Variants in SPG21 observed in about 807,000 individuals in gnomAD.
SPG21 encodes SPG21 abhydrolase domain containing, maspardin, also known as maspardin.
In SPG21, 26 loss-of-function variants were observed where a neutral mutation model predicts 38.9. That is an observed-to-expected ratio of 0.67 (90% CI 0.49 to 0.93). The LOEUF is 0.93. SPG21 is among the 40% of genes least tolerant of loss of function. SPG21 has a pLI of 0.00. For missense variants in SPG21, 333 were observed against 376.5 expected (o/e 0.88, Z 0.96); for synonymous variants, 136 against 128.9 (o/e 1.05, Z -0.37).
chr15:64,985,875 T>C (rs551749917), intron 1 of SPG21, among the ~76,000 whole-genome samples: 1 of 152,306 alleles, frequency 6.6e-6, no homozygotes, highest in South Asian at 2.1e-4. Context: ...AACACTAAAC[T>C]TGATTTACAA....
At position 64,965,420 on chromosome 15, in the gene SPG21, T is replaced by C; in HGVS notation, c.710A>G (p.Glu237Gly). 6.2e-7 allele frequency: 1 copy of C among 1,614,174 alleles called. No homozygotes were observed. The change falls in exon 8 of 9, where the codon GAA becomes GGA. Residue 237 changes from glutamate to glycine, a missense_variant. Glu to Gly is a moderately conservative substitution (Grantham distance 98, BLOSUM62 -2). Coordinates refer to ENST00000204566, the MANE Select transcript of SPG21 (RefSeq NM_016630.7). ...GGCATTAGGATACAGCTTGTACATTTCTTCTTTAGCTTCAGTTGAAAGCGC... is the reference window on the plus strand; with the variant it reads ...GGCATTAGGATACAGCTTGTACATTCCTTCTTTAGCTTCAGTTGAAAGCGC... ...QSALSTEAKEEMYKLYPNARR... is the reference protein window; with the variant it reads ...QSALSTEAKEGMYKLYPNARR...
In SPG21 at chr15:64,976,524, T is replaced by C. The variant is rs1352420392; in HGVS notation, c.257A>G (p.Glu86Gly). Reference protein sequence around the residue: ...LQYPVYWDHLEFCDGFRKLLD... With the variant: ...LQYPVYWDHLGFCDGFRKLLD... Reference sequence around the variant, plus strand: ...AAGTTTTCTGAATCCATCACAGAACTCGAGATGGTCCCAATAAACTGGATA... The same window carrying C: ...AAGTTTTCTGAATCCATCACAGAACCCGAGATGGTCCCAATAAACTGGATA... Residue 86 changes from glutamate to glycine, a missense_variant, in exon 4 of 9, where the codon GAG (glutamate) becomes GGG (glycine). By Grantham distance (98) the Glu-to-Gly change is moderately conservative. Coordinates refer to ENST00000204566, the MANE Select transcript of SPG21 (RefSeq NM_016630.7). 6.2e-7 allele frequency: 1 copy of C among 1,613,086 alleles called. No individual in the cohort carries two copies. The highest frequency in any genetic ancestry group is 8.5e-7 in the Non-Finnish European group (1 of 1,179,214).
intron 3 of SPG21, among the ~76,000 whole-genome samples, chr15:64,980,596 G>A (rs536877183): frequency 3.3e-5 from 5 of 152,106 alleles, no homozygotes; most frequent in Admixed American, 1.3e-4. Flanking sequence ...AAATTAGCTG[G>A]GCGTAGTGGC....
chr15:64,980,328 C>G (rs1350105306), intron 3 of SPG21, among the ~76,000 whole-genome samples: 1 of 152,178 alleles, frequency 6.6e-6, no homozygotes, highest in East Asian at 1.9e-4. Flanking sequence ...CATGGAGAGG[C>G]TGCCAAAAGA....
At chr15:64,967,286 A>AT (rs1039047790) in intron 7 of SPG21, among the ~76,000 whole-genome samples, 31 of 152,096 alleles carry the variant, frequency 2.0e-4, no homozygotes, top group African/African-American at 7.5e-4. Context: ...AAATAAATAA[A>AT]AAAAAATTAA....
chr15:64,970,214 A>G lies in SPG21; in HGVS notation c.461T>C (p.Leu154Pro). The G allele has an allele frequency of 6.2e-7, 1 of 1,613,888 alleles. No homozygotes were observed. Among genetic ancestry groups the G allele is most frequent in the Non-Finnish European group, 8.5e-7 (1 of 1,179,884 alleles). ...TTTTTTGAGCATAAATGCAGGCATC[A>G]GCCAAAAGCTGTAAAACACAAAGAC... ...NQTWTANSFW[L>P]MPAFMLKKIV... Residue 154 changes from leucine (L) to proline (P), a missense_variant, in exon 6 of 9, where the codon CTG (leucine) becomes CCG (proline). By Grantham distance (98) the Leu-to-Pro change is moderately conservative. Transcript: ENST00000204566.
In SPG21 at chr15:64,974,703, T is replaced by C; in HGVS notation, c.351A>G (p.Lys117=). Residue 117 remains lysine, a synonymous_variant, in exon 5 of 9, where the codon AAA becomes AAG. Coordinates refer to ENST00000204566, the MANE Select transcript of SPG21 (RefSeq NM_016630.7). ...GASLGGFLAQ[K]FAEYTHKSPR... is the part of the protein sequence containing the mutation. ...GAGATTTGTGAGTGTATTCAGCAAA[T>C]TTCTGGGCCAAAAAGCCTCCCAAAG... The C allele has an allele frequency of 6.2e-7, 1 of 1,614,120 alleles. No homozygotes were observed. The highest frequency in any genetic ancestry group is 8.5e-7 in the Non-Finnish European group (1 of 1,180,006).
rs56821289 is a variant in SPG21 at position 64,980,737 on chromosome 15, CAACAAACA to C, written c.225+119_225+126del. The C allele has an allele frequency of 1.2e-3, 1,025 of 855,260 alleles. 3 individuals carry two copies. The highest frequency in any genetic ancestry group is 5.7e-3 in the African/African-American group (332 of 58,110). The allele number at this position is 855,260 out of a possible 1,614,324, so 53.0% of individuals were successfully genotyped here. ...CGGGCGACAGAGTGAGAATCCATCT[CAACAAACA>C]AACAAACAAACAAACAAACAAACAA... is the stretch of plus-strand genomic sequence containing the variant. On this transcript the variant is annotated intron_variant, in intron 3 of 8. Transcript: ENST00000204566.
In SPG21 at chr15:64,974,690, T is replaced by G; in HGVS notation, c.364A>C (p.Thr122Pro). 6.2e-7 allele frequency: 1 copy of G among 1,614,094 alleles called. No individual in the cohort carries two copies. Among genetic ancestry groups the G allele is most frequent in the Middle Eastern group, 1.6e-4 (1 of 6,062 alleles). The change falls in exon 5 of 9, where the codon ACT becomes CCT. Residue 122 changes from threonine (T) to proline (P), a missense_variant. Physicochemically the swap from Thr to Pro is conservative, Grantham distance 38 (BLOSUM62 -1). Transcript: ENST00000204566. ...GFLAQKFAEY[T>P]HKSPRVHSLI... ...GAATGGACTCTAGGAGATTTGTGAG[T>G]GTATTCAGCAAATTTCTGGGCCAAA...
chr15:64,980,100 T>C (rs955470647), intron 3 of SPG21, among the ~76,000 whole-genome samples: 14 of 152,156 alleles, frequency 9.2e-5, no homozygotes, highest in Admixed American at 2.6e-4. Context: ...AGCAAATCCC[T>C]TTGTTGTCTA....
chr15:64,977,669 C>A (rs1399822268), intron 3 of SPG21, among the ~76,000 whole-genome samples: 1 of 152,074 alleles, frequency 6.6e-6, no homozygotes, highest in East Asian at 1.9e-4. Context: ...CGGGTGTGAG[C>A]CACCATGCCA....
intron 5 of SPG21, among the ~76,000 whole-genome samples, chr15:64,971,261 C>G (rs940915176): frequency 4.6e-5 from 7 of 152,084 alleles, no homozygotes; most frequent in African/African-American, 1.7e-4. Context: ...GAGCCGGGGC[C>G]AGGCACGGTG....
chr15:64,974,091 AAAATTTAAG>A (rs2085727288), intron 5 of SPG21, among the ~76,000 whole-genome samples: 1 of 150,780 alleles, frequency 6.6e-6, no homozygotes, highest in Admixed American at 6.5e-5. Flanking sequence ...ACAAAATTTA[AAAATTTAAG>A]GTAATAAAAA....
In SPG21 at chr15:64,974,691, G is replaced by A. The variant is rs202127742; in HGVS notation, c.363C>T (p.Tyr121=). 1.2e-4 allele frequency: 186 copies of A among 1,614,148 alleles called. 1 individual carries two copies. The East Asian group carries it at 4.1e-3, about 35-fold the overall frequency. Residue 121 remains tyrosine (Y), a synonymous_variant, in exon 5 of 9, where the codon TAC becomes TAT. Transcript: ENST00000204566. ...AATGGACTCTAGGAGATTTGTGAGT[G>A]TATTCAGCAAATTTCTGGGCCAAAA... The part of the protein sequence containing the change: ...GGFLAQKFAE[Y]THKSPRVHSL...
rs375609763 is a variant in SPG21, at chr15:64,983,510, T to C, written c.60A>G (p.Lys20=). Residue 20 remains lysine (K), a synonymous_variant, in exon 2 of 9, where the codon AAA becomes AAG. Coordinates refer to ENST00000204566, the MANE Select transcript of SPG21 (RefSeq NM_016630.7). The part of the protein sequence containing the change: ...YNWFRGTVPL[K]KIIVDDDDSK... ...GGTATAGTAAAACCATACATACCTTTTTAAGGGGAACTGTACCTCTAAACC... is the reference window on the plus strand; with the variant it reads ...GGTATAGTAAAACCATACATACCTTCTTAAGGGGAACTGTACCTCTAAACC... The C allele has an allele frequency of 4.1e-5, 65 of 1,573,628 alleles. No homozygotes were observed. The highest frequency in any genetic ancestry group is 5.1e-5 in the Non-Finnish European group (59 of 1,154,808).
At position 64,980,971 on chromosome 15, in the gene SPG21, G is replaced by A. The variant is rs555126484; in HGVS notation, c.118C>T (p.Arg40Ter). 34 of 1,614,094 alleles carry A rather than the reference G, an allele frequency of 2.1e-5. No homozygotes were observed. The highest frequency in any genetic ancestry group is 2.2e-5 in the East Asian group (1 of 44,884). Reference sequence around the variant, plus strand: ...AATATGAGAGGACACCTGATACTTCGGGGGCCCGCGTCATAGAGCGACCAT... The same window carrying A: ...AATATGAGAGGACACCTGATACTTCAGGGGCCCGCGTCATAGAGCGACCAT... ...KIWSLYDAGPRSIRCPLIFLP... is the reference protein window; with the variant it reads ...KIWSLYDAGP Residue 40 changes from arginine to a stop codon, truncating the protein, a stop_gained, in exon 3 of 9, where the codon CGA becomes TGA. Transcript: ENST00000204566. LOFTEE classifies it high-confidence loss of function.
chr15:64,988,348 T>C (rs1463720392), intron 1 of SPG21, among the ~76,000 whole-genome samples: 1 of 152,234 alleles, frequency 6.6e-6, no homozygotes, highest in Admixed American at 6.5e-5. Context: ...TTAAGTCACA[T>C]AACCAGCATA....
chr15:64,982,145 T>TC lies in SPG21; in HGVS notation c.64-1121_64-1120insG, dbSNP rs1555401050. 7.1e-5 allele frequency among the ~76,000 whole-genome samples: 10 copies of TC among 141,720 alleles called. 1 individual carries two copies. Among genetic ancestry groups the TC allele is most frequent in the Middle Eastern group, 3.5e-3 (1 of 282 alleles). 93.0% of individuals were successfully genotyped at this position (141,720 alleles called of 152,430 possible). On this transcript the variant is annotated intron_variant, in intron 2 of 8. Coordinates refer to ENST00000204566, the MANE Select transcript of SPG21 (RefSeq NM_016630.7). ...CTCACATTTTTTCTTTTCTTTTCTTTTTTTTTTTTTTTTTTTTGAGACAAG... is the reference window on the plus strand; with the variant it reads ...CTCACATTTTTTCTTTTCTTTTCTTTCTTTTTTTTTTTTTTTTTGAGACAAG...
At chr15:64,986,950 T>C (rs750177641) in intron 1 of SPG21, among the ~76,000 whole-genome samples, 12 of 152,190 alleles carry the variant, frequency 7.9e-5, no homozygotes, top group Non-Finnish European at 1.6e-4. Context: ...AAAACATGTT[T>C]AGCAAATAAC....
Sources: gnomAD v4.1 joint callset for allele counts (sites outside exome capture counted in the v4.1 genomes callset) on GRCh38, gnomAD v4.1.1 for gene constraint, MANE v1.5 for transcripts, NCBI Gene and HGNC (gene_info 2026-07-23, HGNC 2026-07-21) for gene names.